CCSER1: variants seen among roughly 807,000 people sequenced by gnomAD.
CCSER1 encodes serine-rich coiled-coil domain-containing protein 1.
A neutral mutation model predicts 82.0 loss-of-function variants in CCSER1; 41 were observed. The ratio of observed to expected loss-of-function variants is 0.50; its 90% CI spans 0.39 to 0.65. The LOEUF (loss-of-function observed/expected upper bound fraction) is 0.65. Among genes scored for constraint, CCSER1 ranks in the 30% least tolerant of loss-of-function variants. The pLI is 0.00. For missense variants in CCSER1, 1,119 were observed against 1,064.2 expected, an observed-to-expected ratio of 1.05 and a Z score of -0.72; for synonymous variants, 414 against 383.9, an observed-to-expected ratio of 1.08 and a Z score of -0.92.
chr4:91,168,839 A>T (rs1732450132), intron 10 of CCSER1, among the ~76,000 whole-genome samples: 1 of 152,206 alleles, frequency 6.6e-6, no homozygotes, highest in Non-Finnish European at 1.5e-5. Context: ...AGGAGACTCC[A>T]TTTTGTTCTG....
intron 7 of CCSER1, among the ~76,000 whole-genome samples, chr4:90,815,394 C>A (rs1488075294): frequency 6.6e-6 from 1 of 152,136 alleles, no homozygotes; most frequent in African/African-American, 2.4e-5. Flanking sequence ...TTCTGTTCTA[C>A]TTACTATGTA....
intron 10 of CCSER1, among the ~76,000 whole-genome samples, chr4:91,230,544 G>A (rs181242377): frequency 5.0e-4 from 76 of 151,906 alleles, no homozygotes; most frequent in African/African-American, 1.8e-3. Context: ...TCATTGTAGA[G>A]ATTTTTAAAA....
chr4:90,179,107 G>T (rs1407675805), intron 1 of CCSER1, among the ~76,000 whole-genome samples: 3 of 152,244 alleles, frequency 2.0e-5, no homozygotes, highest in South Asian at 4.1e-4. Flanking sequence ...TATAGCTGTT[G>T]CTTTATATTG....
intron 4 of CCSER1, among the ~76,000 whole-genome samples, chr4:90,441,694 G>A (rs1759901089): frequency 6.6e-6 from 1 of 152,218 alleles, no homozygotes; most frequent in South Asian, 2.1e-4. Flanking sequence ...GACTTATAGT[G>A]TGAATGTATT....
intron 9 of CCSER1, among the ~76,000 whole-genome samples, chr4:91,064,713 A>G (rs553368169): frequency 6.6e-6 from 1 of 152,356 alleles, no homozygotes; most frequent in African/African-American, 2.4e-5. Flanking sequence ...TTATCAGTGT[A>G]GGGAACTTCA....
At chr4:90,791,849 G>A (rs557736685) in intron 7 of CCSER1, among the ~76,000 whole-genome samples, 68 of 148,432 alleles carry the variant, frequency 4.6e-4, no homozygotes, top group African/African-American at 1.5e-3. Flanking sequence ...ACACACACAC[G>A]TTTATAAGAT....
rs1221997465 is a variant in CCSER1 at position 90,352,491 on chromosome 4, C to T, written c.1509+39444C>T. On this transcript the variant is annotated intron_variant, in intron 3 of 10. Transcript: ENST00000509176. The stretch of plus-strand genomic sequence containing the variant: ...CCAGCCTGGCCAACATGATGAAACC[C>T]GTCCCTACTAAAATACAAAAATTAG... Among the ~76,000 whole-genome samples, 4 of 151,794 alleles carry T rather than the reference C, an allele frequency of 2.6e-5. No individual in the cohort carries two copies. In the East Asian group the frequency reaches 5.8e-4, roughly 22 times the overall value.
At chr4:91,176,366 C>G (rs2149016125) in intron 10 of CCSER1, among the ~76,000 whole-genome samples, 1 of 152,290 alleles carries the variant, frequency 6.6e-6, no homozygotes, top group Admixed American at 6.5e-5. Flanking sequence ...TGAAGAAAGT[C>G]ATTGGTAGCT....
At chr4:90,733,606 A>G (rs147989637) in intron 7 of CCSER1, among the ~76,000 whole-genome samples, 66 of 152,260 alleles carry the variant, frequency 4.3e-4, no homozygotes, top group African/African-American at 1.5e-3. Context: ...TGTCTACTCC[A>G]TGGTCCTGGA....
At chr4:90,589,486 G>A (rs571727314) in intron 5 of CCSER1, among the ~76,000 whole-genome samples, 1 of 151,652 alleles carries the variant, frequency 6.6e-6, no homozygotes, top group African/African-American at 2.4e-5. Context: ...ACAAAAATCT[G>A]GAGAAAAAAC....
chr4:90,343,483 T>C (rs576302587), intron 3 of CCSER1, among the ~76,000 whole-genome samples: 1 of 152,038 alleles, frequency 6.6e-6, no homozygotes, highest in Non-Finnish European at 1.5e-5. Flanking sequence ...TGGGTGGTAG[T>C]GGAGCGCGTT....
chr4:90,419,097 CAAT>C (rs768953315), intron 4 of CCSER1, among the ~76,000 whole-genome samples: 1 of 152,076 alleles, frequency 6.6e-6, no homozygotes, highest in South Asian at 2.1e-4. Context: ...TAAAAGCTCT[CAAT>C]GATGTTTAGT....
intron 10 of CCSER1, among the ~76,000 whole-genome samples, chr4:91,275,734 C>T (rs956104515): frequency 1.2e-4 from 18 of 152,078 alleles, no homozygotes; most frequent in African/African-American, 4.1e-4. Flanking sequence ...AACCTTTGCC[C>T]AGAGCAATGT....
chr4:90,216,968 T>C (rs1741149303), intron 1 of CCSER1, among the ~76,000 whole-genome samples: 3 of 152,192 alleles, frequency 2.0e-5, no homozygotes, highest in Non-Finnish European at 2.9e-5. Flanking sequence ...TTTAGCAGTG[T>C]TTTGTAGTTC....
intron 1 of CCSER1, among the ~76,000 whole-genome samples, chr4:90,132,361 C>T (rs1205676823): frequency 6.6e-6 from 1 of 152,154 alleles, no homozygotes; most frequent in Non-Finnish European, 1.5e-5. Context: ...TGAGTACATA[C>T]ACTTCTATCA....
At chr4:90,341,869 A>G (rs1036383878) in intron 3 of CCSER1, among the ~76,000 whole-genome samples, 2 of 152,188 alleles carry the variant, frequency 1.3e-5, no homozygotes, top group Non-Finnish European at 2.9e-5. Flanking sequence ...GTCTGGTTAC[A>G]TATTTTGTTG....
chr4:90,782,704 G>GTTTTT (rs1753958460), intron 7 of CCSER1, among the ~76,000 whole-genome samples: 1 of 55,922 alleles, frequency 1.8e-5, no homozygotes, highest in African/African-American at 8.7e-5. Context: ...TTTTTTTTGA[G>GTTTTT]ACAGTCTAGC....
intron 5 of CCSER1, among the ~76,000 whole-genome samples, chr4:90,561,866 AC>A (rs1778795189): frequency 6.6e-6 from 1 of 152,096 alleles, no homozygotes; most frequent in South Asian, 2.1e-4. Context: ...AATAATAATC[AC>A]CATACATAGG....
chr4:91,495,751 A>C (rs558182831), intron 10 of CCSER1, among the ~76,000 whole-genome samples: 1 of 151,702 alleles, frequency 6.6e-6, no homozygotes, highest in Admixed American at 6.6e-5. Flanking sequence ...GTAAGATATT[A>C]ATTTTATCAG....
Sources: allele counts gnomAD v4.1 joint callset (sites outside exome capture counted in the v4.1 genomes callset), GRCh38; gene constraint gnomAD v4.1.1; transcripts MANE v1.5; gene names NCBI Gene and HGNC (gene_info 2026-07-23, HGNC 2026-07-21).